The following TOP2A variants were observed in gnomAD, a reference collection of about 807,000 sequenced individuals.
The protein encoded by TOP2A is DNA topoisomerase II alpha.
A neutral mutation model predicts 187.2 loss-of-function variants in TOP2A; 68 were observed. That is an observed-to-expected ratio of 0.36 (90% CI 0.30 to 0.44). The LOEUF (loss-of-function observed/expected upper bound fraction) is 0.44, where lower values mean the gene tolerates loss of function less well. TOP2A is among the 20% of genes least tolerant of loss of function. The probability of loss-of-function intolerance (pLI) is 1.00; values close to 1 mark genes in which losing one functional copy is unlikely to be tolerated. For missense variants in TOP2A, 1,196 were observed against 1,808.7 expected, an observed-to-expected ratio of 0.66 and a Z score of 6.14; for synonymous variants, 542 against 593.2, an observed-to-expected ratio of 0.91 and a Z score of 1.25.
At chr17:40,395,394 A>AACAAAC (rs1439049228) in intron 29 of TOP2A, 55 bp downstream of exon 29, 1 of 1,231,228 alleles carries the variant, frequency 8.1e-7, no homozygotes, top group Non-Finnish European at 1.2e-6. Flanking sequence ...TGTACTAGGT[A>AACAAAC]ACAAACACAA....
Position 40,406,866 on chromosome 17 carries a change from C to G in TOP2A, c.1703G>C (p.Arg568Pro), listed in dbSNP as rs761780273. Residue 568 changes from arginine (R) to proline (P), a missense_variant, in exon 14 of 35, where the codon CGT becomes CCT. Transcript: ENST00000423485. ...HHNWPSLLRH[R>P]FLEEFITPIV... ...GGGAGTGATAAATTCCTCCAGAAAA[C>G]GATGTCGCAGAAGAGAGGGCCAGTT... The G allele has an allele frequency of 1.2e-6, 2 of 1,607,628 alleles. No homozygotes were observed. Among genetic ancestry groups the G allele is most frequent in the South Asian group, 1.1e-5 (1 of 90,208 alleles).
Position 40,391,562 on chromosome 17 carries a change from T to G in TOP2A, c.4211A>C (p.Glu1404Ala). 1 of 1,613,254 alleles carries G rather than the reference T, an allele frequency of 6.2e-7. No individual in the cohort carries two copies. Among genetic ancestry groups the G allele is most frequent in the South Asian group, 1.1e-5 (1 of 90,868 alleles). ...PPATHFPDET[E>A]ITNPVPKKNV... is the part of the protein sequence containing the mutation. ...CTTTTTAGGAACTGGGTTTGTAATT[T>G]CAGTTTCATCTGGGAAATGTGTAGC... Residue 1404 changes from glutamate (E) to alanine (A), a missense_variant, in exon 33 of 35, where the codon GAA becomes GCA. This residue lies in a region of TOP2A where 374 missense variants were observed against 403.3 expected (regional missense o/e 0.93). Transcript: ENST00000423485.
At position 40,392,594 on chromosome 17, in the gene TOP2A, T is replaced by C; in HGVS notation, c.3955A>G (p.Arg1319Gly). 1 of 1,610,302 alleles carries C rather than the reference T, an allele frequency of 6.2e-7. No individual in the cohort carries two copies. Among genetic ancestry groups the C allele is most frequent in the Non-Finnish European group, 8.5e-7 (1 of 1,178,914 alleles). The part of the protein sequence containing the change: ...DVPPRETEPR[R>G]AATKTKFTMD... Reference sequence around the variant, plus strand: ...CTTTAGTTTTCCTTACTTGCTGCTCTCCGTGGCTCTGTTTCTCGTGGAGGG... The same window carrying C: ...CTTTAGTTTTCCTTACTTGCTGCTCCCCGTGGCTCTGTTTCTCGTGGAGGG... Residue 1319 changes from arginine (R) to glycine (G), a missense_variant, in exon 30 of 35, where the codon AGA becomes GGA. Arg to Gly is a moderately radical substitution (Grantham distance 125). Transcript: ENST00000423485.
intron 24 of TOP2A, 75 bp downstream of exon 24, chr17:40,399,797 C>T: frequency 7.4e-7 from 1 of 1,342,974 alleles, no homozygotes; most frequent in Non-Finnish European, 1.0e-6. Context: ...TCCACCATTA[C>T]TCTCACCAAA....
At chr17:40,400,487 C>A (rs747509246) in intron 22 of TOP2A, 42 bp downstream of exon 22, 1 of 1,601,116 alleles carries the variant, frequency 6.2e-7, no homozygotes, top group South Asian at 1.1e-5. Flanking sequence ...AAAGGTATTT[C>A]TTTTGATCAC....
chr17:40,400,795 A>C (rs532236615), intron 21 of TOP2A, 55 bp downstream of exon 21: 1 of 1,574,282 alleles, frequency 6.4e-7, no homozygotes, highest in Admixed American at 1.7e-5. Flanking sequence ...CATACAATCT[A>C]TTCAACTGAA....
chr17:40,411,037 T>C lies in TOP2A; in HGVS notation c.1203+72A>G. 1 of 1,410,694 alleles carries C rather than the reference T, an allele frequency of 7.1e-7. No individual in the cohort carries two copies. Among genetic ancestry groups the C allele is most frequent in the Non-Finnish European group, 9.4e-7 (1 of 1,062,156 alleles). 87.4% of individuals were successfully genotyped at this position (1,410,694 alleles called of 1,614,324 possible). ...GCTCACTATGAGAAGAATCATTGTT[T>C]CTGCAGAGCTAAGAAGTGCAATGGA... is the stretch of plus-strand genomic sequence containing the variant. On this transcript the variant is annotated intron_variant, in intron 10 of 34. Coordinates refer to ENST00000423485, the MANE Select transcript of TOP2A (RefSeq NM_001067.4). This position sits in a 1 kb window ranked among gnomAD's most constrained non-coding sequence, Gnocchi z 4.4.
At chr17:40,410,160 G>T (rs903228669) in intron 10 of TOP2A, 5 of 172,242 alleles carry the variant, frequency 2.9e-5, no homozygotes, top group African/African-American at 1.2e-4. Context: ...TGCTAATAAG[G>T]TATGTTCAAT....
At chr17:40,401,440 T>C (rs898151560) in intron 20 of TOP2A, among the ~76,000 whole-genome samples, 6 of 152,300 alleles carry the variant, frequency 3.9e-5, no homozygotes, top group African/African-American at 1.4e-4. Context: ...CCAGGTGCAG[T>C]AACTCGCGCC....
In TOP2A at chr17:40,416,454, G is replaced by C; in HGVS notation, c.236C>G (p.Pro79Arg). ...GINYREVTFV[P>R]GLYKIFDEIL... ...CTCATCAAAGATTTTGTACAAACCA[G>C]GAACAAAAGTGACTTCCCTATAGTT... Residue 79 changes from proline (P) to arginine (R), a missense_variant, in exon 3 of 35, where the codon CCT (proline) becomes CGT (arginine). By Grantham distance (103) the Pro-to-Arg change is moderately radical. Transcript: ENST00000423485. The C allele has an allele frequency of 6.2e-7, 1 of 1,602,296 alleles. No individual in the cohort carries two copies. The highest frequency in any genetic ancestry group is 8.5e-7 in the Non-Finnish European group (1 of 1,173,468).
At chr17:40,397,282 C>T (rs1258036786) in intron 27 of TOP2A, among the ~76,000 whole-genome samples, 1 of 111,254 alleles carries the variant, frequency 9.0e-6, no homozygotes, top group Non-Finnish European at 1.7e-5. Context: ...GCCCTGCTTT[C>T]TCCTTTTTTT....
chr17:40,416,904 T>G lies in TOP2A; in HGVS notation c.22-9A>C. ...ATATTTTCATTTACAGGCTAGCAAT[T>G]AAAAAAAAAGAGAGAAAGAAGGGAA... On this transcript the variant is annotated splice_polypyrimidine_tract_variant and intron_variant, in intron 1 of 34. Transcript: ENST00000423485. 6.4e-7 allele frequency: 1 copy of G among 1,553,644 alleles called. No homozygotes were observed. The highest frequency in any genetic ancestry group is 8.7e-7 in the Non-Finnish European group (1 of 1,151,480).
At chr17:40,415,964 T>G (rs567371693) in intron 4 of TOP2A, 41 bp downstream of exon 4, 8 of 1,373,600 alleles carry the variant, frequency 5.8e-6, no homozygotes, top group African/African-American at 1.4e-5. Context: ...CAGCTAACAA[T>G]AGCAACGAGC....
chr17:40,407,933 AG>A (rs754320162), intron 12 of TOP2A, 33 bp downstream of exon 12: 2 of 1,565,704 alleles, frequency 1.3e-6, no homozygotes, highest in South Asian at 2.3e-5. Context: ...ATTATAAATT[AG>A]ATTTAGATTC....
chr17:40,405,165 T>A (rs1442561457), intron 16 of TOP2A, among the ~76,000 whole-genome samples: 1 of 134,700 alleles, frequency 7.4e-6, no homozygotes, highest in Non-Finnish European at 1.6e-5. Flanking sequence ...AATTTTTGTA[T>A]TTTTTTTTTT....
intron 20 of TOP2A, 99 bp from the exon 21 acceptor site, chr17:40,401,180 GT>G: frequency 9.7e-7 from 1 of 1,028,312 alleles, no homozygotes; most frequent in Non-Finnish European, 1.4e-6. Flanking sequence ...AATTATCTTG[GT>G]TTTACTTGCT....
At position 40,406,666 on chromosome 17, in the gene TOP2A, C is replaced by T. The variant is rs1175950233; in HGVS notation, c.1761G>A (p.Met587Ile). The T allele has an allele frequency of 6.2e-7, 1 of 1,612,074 alleles. No homozygotes were observed. Among genetic ancestry groups the T allele is most frequent in the East Asian group, 2.2e-5 (1 of 44,886 alleles). ...CAAATTCAGGAAGGCTGTAAAATGC[C>T]ATTTCTTGCTTGTTTTTAGATACCT... Reference protein sequence around the residue: ...IVKVSKNKQEMAFYSLPEFEE... With the variant: ...IVKVSKNKQEIAFYSLPEFEE... The change falls in exon 15 of 35, where the codon ATG (methionine) becomes ATA (isoleucine). Residue 587 changes from methionine to isoleucine, a missense_variant. Physicochemically the swap from Met to Ile is conservative, Grantham distance 10 (BLOSUM62 1). Coordinates refer to ENST00000423485, the MANE Select transcript of TOP2A (RefSeq NM_001067.4).
intron 2 of TOP2A, 67 bp from the exon 3 acceptor site, chr17:40,416,579 C>A: frequency 6.9e-7 from 1 of 1,443,104 alleles, no homozygotes; most frequent in Non-Finnish European, 9.7e-7. Context: ...TCATGATTAC[C>A]ATAAAGTGTT....
intron 31 of TOP2A, 32 bp from the exon 32 acceptor site, chr17:40,392,143 A>G (rs1443331816): frequency 1.9e-6 from 3 of 1,611,148 alleles, no homozygotes; most frequent in South Asian, 2.2e-5. Flanking sequence ...CTGACAACCA[A>G]TTCTAAATGT....
Sources: gnomAD v4.1 joint callset for allele counts (sites outside exome capture counted in the v4.1 genomes callset) on GRCh38, gnomAD v4.1.1 for gene constraint, gnomAD v4.1.1 regional missense constraint, Gnocchi (gnomAD v3.1) non-coding constraint, MANE v1.5 for transcripts, NCBI Gene and HGNC (gene_info 2026-07-23, HGNC 2026-07-21) for gene names.